Variants in PTPRO observed in about 807,000 individuals in gnomAD.
PTPRO encodes protein tyrosine phosphatase receptor type O.
Under a neutral mutation model 145.2 loss-of-function variants are expected in PTPRO, and 62 were observed. That is an observed-to-expected ratio of 0.43 (90% CI 0.35 to 0.53). The LOEUF is 0.53. PTPRO is among the 20% of genes least tolerant of loss of function. The pLI is 0.01. For missense variants in PTPRO, 1,345 were observed against 1,482.7 expected (o/e 0.91, Z 1.53); for synonymous variants, 565 against 514.7 (o/e 1.10, Z -1.32).
At chr12:15,497,854 C>T (rs1942139714) in intron 3 of PTPRO, among the ~76,000 whole-genome samples, 1 of 152,178 alleles carries the variant, frequency 6.6e-6, no homozygotes, top group Non-Finnish European at 1.5e-5. Context: ...TAAATGCATA[C>T]ATTAACATAC....
intron 7 of PTPRO, among the ~76,000 whole-genome samples, chr12:15,509,756 G>A (rs1403019765): frequency 6.6e-6 from 1 of 151,900 alleles, no homozygotes; most frequent in Non-Finnish European, 1.5e-5. Context: ...ACTGAAAAGA[G>A]CTTTGAAGAA....
chr12:15,573,986 C>G (rs1489419496), intron 19 of PTPRO, among the ~76,000 whole-genome samples: 3 of 152,182 alleles, frequency 2.0e-5, no homozygotes, highest in Non-Finnish European at 2.9e-5. Flanking sequence ...CTAGATAATT[C>G]CAGCAGCTGA....
rs1184113713 is a variant in PTPRO, at chr12:15,589,602, A to G, written c.3546+12A>G. 2 of 1,613,650 alleles carry G rather than the reference A, an allele frequency of 1.2e-6. No individual in the cohort carries two copies. Among genetic ancestry groups the G allele is most frequent in the East Asian group, 4.5e-5 (2 of 44,858 alleles). On this transcript the variant is annotated intron_variant, in intron 25 of 26. Transcript: ENST00000281171. The stretch of plus-strand genomic sequence containing the variant: ...TGGTACAGACAGAGGTAGGAACATA[A>G]TCTATATGTATTTTTAAATTTTCCC...
intron 1 of PTPRO, among the ~76,000 whole-genome samples, chr12:15,415,320 G>A (rs11056463): frequency 0.032 from 4,801 of 151,880 alleles, 141 homozygotes; most frequent in East Asian, 0.16. Flanking sequence ...AATAATATTC[G>A]CTATTTCAAA....
At chr12:15,433,666 T>C (rs1351034297) in intron 1 of PTPRO, among the ~76,000 whole-genome samples, 1 of 152,148 alleles carries the variant, frequency 6.6e-6, no homozygotes, top group Non-Finnish European at 1.5e-5. Flanking sequence ...CAGATGGATG[T>C]AGGTGTGTGA....
chr12:15,517,790 G>A (rs559966146), intron 9 of PTPRO, among the ~76,000 whole-genome samples: 1 of 152,322 alleles, frequency 6.6e-6, no homozygotes, highest in South Asian at 2.1e-4. Flanking sequence ...TGCAAGAGGT[G>A]GGTTCCCATG....
intron 1 of PTPRO, among the ~76,000 whole-genome samples, chr12:15,379,241 C>T (rs1938781100): frequency 6.6e-6 from 1 of 151,218 alleles, no homozygotes; most frequent in South Asian, 2.1e-4. Context: ...TGGAGAGGAC[C>T]AGGTGCGCTG....
rs147387280 is a variant in PTPRO, at chr12:15,459,091, G to A, written c.76-24883G>A. Among the ~76,000 whole-genome samples, 45 of 152,232 alleles carry A rather than the reference G, an allele frequency of 3.0e-4. No homozygotes were observed. The East Asian group carries it at 7.9e-3, about 27-fold the overall frequency. On this transcript the variant is annotated intron_variant, in intron 1 of 26. Transcript: ENST00000281171. Reference sequence around the variant, plus strand: ...CTCCCAGATGTCTAGAATATGCTGGGACTCATCTGCATTCTAAGACAAGTG... The same window carrying A: ...CTCCCAGATGTCTAGAATATGCTGGAACTCATCTGCATTCTAAGACAAGTG...
At chr12:15,533,868 G>C (rs1255261828) in intron 12 of PTPRO, among the ~76,000 whole-genome samples, 1 of 152,114 alleles carries the variant, frequency 6.6e-6, no homozygotes, top group Non-Finnish European at 1.5e-5. Context: ...ATCTATAATA[G>C]AGGCCTCTTT....
chr12:15,362,296 G>C (rs769782456), intron 1 of PTPRO, among the ~76,000 whole-genome samples: 25 of 152,162 alleles, frequency 1.6e-4, no homozygotes, highest in Non-Finnish European at 3.2e-4. Context: ...GTGTAACTCT[G>C]GTTGGAAAAT....
intron 1 of PTPRO, among the ~76,000 whole-genome samples, chr12:15,448,238 T>C (rs1476629887): frequency 6.6e-6 from 1 of 150,384 alleles, no homozygotes; most frequent in Admixed American, 6.7e-5. Context: ...AAAAATGATT[T>C]TTTCCTAATA....
chr12:15,562,709 T>C (rs540396925), intron 17 of PTPRO, among the ~76,000 whole-genome samples: 1 of 151,756 alleles, frequency 6.6e-6, no homozygotes, highest in Non-Finnish European at 1.5e-5. Context: ...TCATCTAAGT[T>C]GAACTAGCTA....
rs3085509 is a variant in PTPRO, at chr12:15,516,518, A to AAAAAGAAAAG, written c.1586-238_1586-229dup. Among the ~76,000 whole-genome samples, 606 of 135,182 alleles carry AAAAAGAAAAG rather than the reference A, an allele frequency of 4.5e-3. 30 individuals carry two copies. In the East Asian group the frequency reaches 0.12, roughly 26 times the overall value. 88.7% of individuals were successfully genotyped at this position (135,182 alleles called of 152,430 possible). ...AAAGAAAGAAAAGAAAGAAAGAAAG[A>AAAAAGAAAAG]AAAAGAAAAGAAAAGATGAAAGGAG... On this transcript the variant is annotated intron_variant, in intron 8 of 26. Transcript: ENST00000281171.
chr12:15,330,508 T>A (rs183525440), intron 1 of PTPRO, among the ~76,000 whole-genome samples: 9 of 152,330 alleles, frequency 5.9e-5, no homozygotes, highest in Admixed American at 4.6e-4. Flanking sequence ...AGTGTCCCTC[T>A]ATGGACCATT....
At position 15,541,149 on chromosome 12, in the gene PTPRO, G is replaced by A. The variant is rs1375069593; in HGVS notation, c.2165-5420G>A. 5.9e-5 allele frequency among the ~76,000 whole-genome samples: 9 copies of A among 152,226 alleles called. No homozygotes were observed. The South Asian group carries it at 1.9e-3, about 32-fold the overall frequency. ...AAACAAAAGGAAATTTGACCTTTTG[G>A]AGCATGAGAATATGGAAAATGTTAT... On this transcript the variant is annotated intron_variant, in intron 12 of 26. Transcript: ENST00000281171.
At chr12:15,573,969 C>T (rs968276273) in intron 19 of PTPRO, among the ~76,000 whole-genome samples, 8 of 152,174 alleles carry the variant, frequency 5.3e-5, no homozygotes, top group Non-Finnish European at 1.0e-4. Context: ...GGCCAAATCA[C>T]CTTGGTCTAG....
intron 1 of PTPRO, among the ~76,000 whole-genome samples, chr12:15,481,845 A>G (rs1372151945): frequency 1.3e-5 from 2 of 152,146 alleles, no homozygotes; most frequent in African/African-American, 2.4e-5. Flanking sequence ...AGTGATGTGT[A>G]TTGTGTGCTT....
chr12:15,433,385 G>A (rs573479851), intron 1 of PTPRO, among the ~76,000 whole-genome samples: 44 of 152,122 alleles, frequency 2.9e-4, no homozygotes, highest in East Asian at 1.9e-3. Context: ...GGGTTTCACC[G>A]TGTTAGCCAG....
At chr12:15,540,254 T>TA (rs1173788565) in intron 12 of PTPRO, among the ~76,000 whole-genome samples, 2 of 152,234 alleles carry the variant, frequency 1.3e-5, no homozygotes, top group African/African-American at 4.8e-5. Flanking sequence ...CTATATGACT[T>TA]ACGCTGCTTA....
Sources: allele counts gnomAD v4.1 joint callset (sites outside exome capture counted in the v4.1 genomes callset), GRCh38; gene constraint gnomAD v4.1.1; transcripts MANE v1.5; gene names NCBI Gene and HGNC (gene_info 2026-07-23, HGNC 2026-07-21).